The following APP variants were observed in gnomAD, a reference collection of about 807,000 sequenced individuals.
APP encodes the protein amyloid-beta precursor protein.
APP carries 31 observed loss-of-function variants against 101.4 expected under a neutral mutation model. That is an observed-to-expected ratio of 0.31 (90% CI 0.23 to 0.41). APP has a LOEUF of 0.41. Among genes scored for constraint, APP ranks in the 10% least tolerant of loss-of-function variants. The probability of loss-of-function intolerance (pLI) is 1.00; values close to 1 mark genes in which losing one functional copy is unlikely to be tolerated. For missense variants in APP, 839 were observed against 1,003.7 expected, an observed-to-expected ratio of 0.84 and a Z score of 2.22; for synonymous variants, 366 against 364.4, an observed-to-expected ratio of 1.00 and a Z score of -0.05.
chr21:25,946,637 G>A (rs749561478), intron 13 of APP, among the ~76,000 whole-genome samples: 1 of 152,036 alleles, frequency 6.6e-6, no homozygotes, highest in African/African-American at 2.4e-5. Flanking sequence ...CTTCACTTCA[G>A]CCCGGGTGAC....
At chr21:26,022,496 A>G (rs2044386979) in intron 5 of APP, among the ~76,000 whole-genome samples, 1 of 152,142 alleles carries the variant, frequency 6.6e-6, no homozygotes, top group Admixed American at 6.5e-5. Context: ...TTAAAACAGG[A>G]ATACTGGTTA....
At chr21:25,949,737 C>T (rs1349336200) in intron 13 of APP, among the ~76,000 whole-genome samples, 1 of 152,120 alleles carries the variant, frequency 6.6e-6, no homozygotes, top group Non-Finnish European at 1.5e-5. Flanking sequence ...ATAATTTACT[C>T]CAAGTTAGAG....
At chr21:26,133,027 A>G (rs183870082) in intron 1 of APP, among the ~76,000 whole-genome samples, 72 of 152,242 alleles carry the variant, frequency 4.7e-4, no homozygotes, top group Non-Finnish European at 1.0e-3. Flanking sequence ...CCCTGAGCTC[A>G]GGAGTTGGAG....
chr21:25,894,355 A>C (rs2037892602), intron 16 of APP, among the ~76,000 whole-genome samples: 1 of 152,228 alleles, frequency 6.6e-6, no homozygotes. Context: ...ATTCACTGCC[A>C]TAGATAGCGA....
chr21:26,115,443 T>C (rs1325435724), intron 1 of APP, among the ~76,000 whole-genome samples: 1 of 152,144 alleles, frequency 6.6e-6, no homozygotes, highest in East Asian at 1.9e-4. Flanking sequence ...ATTCCATGCT[T>C]TCACTACATA....
chr21:25,981,466 GA>G (rs367816974), intron 9 of APP, among the ~76,000 whole-genome samples: 3 of 152,088 alleles, frequency 2.0e-5, no homozygotes, highest in African/African-American at 2.4e-5. Flanking sequence ...CTACAAATCA[GA>G]AAAGTGACTG....
chr21:25,913,706 A>G (rs745585037), intron 13 of APP, among the ~76,000 whole-genome samples: 2 of 152,202 alleles, frequency 1.3e-5, no homozygotes, highest in Non-Finnish European at 2.9e-5. Context: ...ATCACTTACC[A>G]TGTCCTTTAT....
At chr21:25,989,986 TCTACATTCAAA>T in intron 8 of APP, among the ~76,000 whole-genome samples, 1 of 152,210 alleles carries the variant, frequency 6.6e-6, no homozygotes, top group Admixed American at 6.5e-5. Context: ...CCTAACGCAT[TCTACATTCAAA>T]TATTTATCCT....
intron 1 of APP, among the ~76,000 whole-genome samples, chr21:26,167,354 C>G (rs2063640177): frequency 6.6e-6 from 1 of 152,128 alleles, no homozygotes; most frequent in Non-Finnish European, 1.5e-5. Flanking sequence ...ACAGGTTTAT[C>G]TTTACATTTG....
chr21:25,932,568 G>A (rs2040193787), intron 13 of APP, among the ~76,000 whole-genome samples: 2 of 152,146 alleles, frequency 1.3e-5, no homozygotes, highest in Non-Finnish European at 2.9e-5. Flanking sequence ...ACACTTTCCA[G>A]TCTTGGCACA....
intron 1 of APP, among the ~76,000 whole-genome samples, chr21:26,132,154 T>C (rs537345035): frequency 2.4e-4 from 36 of 152,300 alleles, no homozygotes; most frequent in African/African-American, 8.7e-4. Context: ...AGTTCAAGGC[T>C]GTAGTTTGCT....
intron 15 of APP, chr21:25,898,023 GT>G (rs1316066332): frequency 3.2e-6 from 1 of 312,894 alleles, no homozygotes; most frequent in Non-Finnish European, 6.0e-6. Context: ...CGGGCTTATT[GT>G]TTAGCCTATT....
At chr21:26,020,983 A>G (rs2044309391) in intron 6 of APP, among the ~76,000 whole-genome samples, 1 of 152,118 alleles carries the variant, frequency 6.6e-6, no homozygotes, top group Non-Finnish European at 1.5e-5. Context: ...AAAACAATGT[A>G]AACTCAACAT....
intron 8 of APP, among the ~76,000 whole-genome samples, chr21:25,983,940 C>T (rs2042540698): frequency 6.6e-6 from 1 of 152,206 alleles, no homozygotes; most frequent in South Asian, 2.1e-4. Context: ...TTCAGATCAG[C>T]TGTGACCTGG....
intron 11 of APP, among the ~76,000 whole-genome samples, chr21:25,971,004 T>G (rs1482135360): frequency 6.6e-6 from 1 of 152,076 alleles, no homozygotes; most frequent in Non-Finnish European, 1.5e-5. Context: ...TTTACCCTCC[T>G]GCCTGAACCA....
chr21:26,008,277 G>A (rs184386897), intron 6 of APP, among the ~76,000 whole-genome samples: 2 of 152,278 alleles, frequency 1.3e-5, no homozygotes, highest in East Asian at 1.9e-4. Flanking sequence ...CAGGACTCCC[G>A]TGACGGTGTT....
intron 17 of APP, among the ~76,000 whole-genome samples, chr21:25,887,736 A>G (rs982912690): frequency 6.6e-6 from 1 of 152,154 alleles, no homozygotes; most frequent in African/African-American, 2.4e-5. Flanking sequence ...AACTGTCTAT[A>G]GTATTCAGTG....
At chr21:26,040,037 T>C (rs2045302487) in intron 5 of APP, among the ~76,000 whole-genome samples, 1 of 152,184 alleles carries the variant, frequency 6.6e-6, no homozygotes, top group African/African-American at 2.4e-5. Flanking sequence ...TAAGATATGT[T>C]GGAGATGGGA....
At chr21:26,057,354 A>T (rs1402017699) in intron 3 of APP, among the ~76,000 whole-genome samples, 1 of 152,228 alleles carries the variant, frequency 6.6e-6, no homozygotes, top group African/African-American at 2.4e-5. Context: ...GCAATTTGGC[A>T]CCATTTATTT....
Sources: gnomAD v4.1 joint callset for allele counts (sites outside exome capture counted in the v4.1 genomes callset) on GRCh38, gnomAD v4.1.1 for gene constraint, MANE v1.5 for transcripts, NCBI Gene and HGNC (gene_info 2026-07-23, HGNC 2026-07-21) for gene names.